The following ULK4 variants were observed in gnomAD, a reference collection of about 807,000 sequenced individuals.
ULK4 encodes inactive serine/threonine-protein kinase ULK4.
In ULK4, 133 loss-of-function variants were observed where a neutral mutation model predicts 160.6. The observed-to-expected ratio is 0.83, with a 90% CI of 0.72 to 0.96. The LOEUF (loss-of-function observed/expected upper bound fraction) is 0.96. ULK4 is among the 40% of genes least tolerant of loss of function. The pLI is 0.00. For synonymous variants in ULK4, 534 were observed against 539.8 expected (o/e 0.99, Z 0.15); for missense variants, 1,580 against 1,499.5 (o/e 1.05, Z -0.89).
chr3:41,247,790 G>A (rs1023491523), intron 36 of ULK4, among the ~76,000 whole-genome samples: 1 of 152,184 alleles, frequency 6.6e-6, no homozygotes. Flanking sequence ...CTGCGCCCCC[G>A]CACACAGCAG....
chr3:41,451,631 G>A (rs1182036828), intron 34 of ULK4, among the ~76,000 whole-genome samples: 1 of 152,028 alleles, frequency 6.6e-6, no homozygotes. Context: ...CACAGCTCCT[G>A]GCAACCTCTG....
At chr3:41,317,740 C>G (rs1287991820) in intron 35 of ULK4, among the ~76,000 whole-genome samples, 1 of 152,148 alleles carries the variant, frequency 6.6e-6, no homozygotes, top group Non-Finnish European at 1.5e-5. Flanking sequence ...AACAGAATTA[C>G]AATTTGGCAG....
chr3:41,848,208 T>A lies in ULK4; in HGVS notation c.1657-12237A>T, dbSNP rs1259257098. 3.9e-5 allele frequency among the ~76,000 whole-genome samples: 6 copies of A among 152,322 alleles called. No homozygotes were observed. In the East Asian group the frequency reaches 9.7e-4, roughly 25 times the overall value. ...AAACAAACAACCTGTAACTGGTAGA[T>A]TCCTTCTCTTAAAGATAATAAACTG... On this transcript the variant is annotated intron_variant, in intron 17 of 36. Transcript: ENST00000301831.
At chr3:41,876,955 G>T (rs779987900) in intron 17 of ULK4, among the ~76,000 whole-genome samples, 3 of 151,980 alleles carry the variant, frequency 2.0e-5, no homozygotes, top group Admixed American at 1.3e-4. Flanking sequence ...AGTTTATTGG[G>T]TTTTCACACT....
chr3:41,722,742 G>A (rs1175748174), intron 22 of ULK4, among the ~76,000 whole-genome samples: 1 of 152,136 alleles, frequency 6.6e-6, no homozygotes, highest in Non-Finnish European at 1.5e-5. Flanking sequence ...TTTGATATAG[G>A]AAGAATAGAA....
intron 34 of ULK4, among the ~76,000 whole-genome samples, chr3:41,427,591 C>T (rs1311382732): frequency 6.6e-6 from 1 of 152,184 alleles, no homozygotes; most frequent in Non-Finnish European, 1.5e-5. Flanking sequence ...TTGGCTTCAT[C>T]CCTGGGATGC....
chr3:41,659,310 C>G (rs1056161362), intron 30 of ULK4, among the ~76,000 whole-genome samples: 2 of 152,090 alleles, frequency 1.3e-5, no homozygotes. Context: ...AAATACGGAA[C>G]CCAGACTTTG....
At chr3:41,357,377 G>A (rs1158014961) in intron 35 of ULK4, among the ~76,000 whole-genome samples, 1 of 152,206 alleles carries the variant, frequency 6.6e-6, no homozygotes, top group Admixed American at 6.5e-5. Context: ...CGATCCAACT[G>A]TGAGGATGTG....
At chr3:41,349,380 G>A (rs1465623366) in intron 35 of ULK4, among the ~76,000 whole-genome samples, 2 of 152,122 alleles carry the variant, frequency 1.3e-5, no homozygotes, top group Non-Finnish European at 1.5e-5. Context: ...ACATCCTTAA[G>A]GAAACCTGAC....
At chr3:41,311,044 G>A (rs2080039254) in intron 35 of ULK4, among the ~76,000 whole-genome samples, 1 of 148,936 alleles carries the variant, frequency 6.7e-6, no homozygotes, top group Admixed American at 6.8e-5. Flanking sequence ...AAGGAAGGAA[G>A]GGAGGGAAGA....
At chr3:41,443,241 T>C (rs1027511192) in intron 34 of ULK4, among the ~76,000 whole-genome samples, 18 of 152,248 alleles carry the variant, frequency 1.2e-4, no homozygotes, top group Non-Finnish European at 2.4e-4. Flanking sequence ...CTCTTTCTTC[T>C]GTAACTCCAC....
chr3:41,888,726 G>C (rs1017091401), intron 16 of ULK4, among the ~76,000 whole-genome samples: 1 of 152,154 alleles, frequency 6.6e-6, no homozygotes, highest in African/African-American at 2.4e-5. Flanking sequence ...CATAGGTGTG[G>C]ATGTGGGAAG....
chr3:41,847,073 T>C (rs2042086543), intron 17 of ULK4, among the ~76,000 whole-genome samples: 2 of 152,208 alleles, frequency 1.3e-5, no homozygotes, highest in Admixed American at 1.3e-4. Flanking sequence ...ACTGCCATTT[T>C]CCACACTACT....
chr3:41,491,939 T>A lies in ULK4; in HGVS notation c.3227-28686A>T, dbSNP rs59145249. Among the ~76,000 whole-genome samples, 318 of 150,358 alleles carry A rather than the reference T, an allele frequency of 2.1e-3. 1 individual carries two copies. The highest frequency in any genetic ancestry group is 7.3e-3 in the African/African-American group (300 of 40,826). ...ATGTTCCCCTTCCTGTGTCCATGTG[T>A]TCTCATTGTTCAATTCCCATCTATG... On this transcript the variant is annotated intron_variant, in intron 32 of 36. Transcript: ENST00000301831.
intron 33 of ULK4, 117 bp downstream of exon 33, chr3:41,462,970 T>C (rs960650247): frequency 1.4e-5 from 17 of 1,250,992 alleles, no homozygotes; most frequent in African/African-American, 4.5e-5. Flanking sequence ...CTCTATAGAA[T>C]TATACATTCT....
chr3:41,947,204 G>A (rs972461811), intron 2 of ULK4, among the ~76,000 whole-genome samples: 2 of 152,140 alleles, frequency 1.3e-5, no homozygotes, highest in African/African-American at 2.4e-5. Flanking sequence ...CCAGCTACTC[G>A]GGAGGCTCAG....
At chr3:41,522,168 C>T (rs976888723) in intron 32 of ULK4, among the ~76,000 whole-genome samples, 6 of 149,840 alleles carry the variant, frequency 4.0e-5, no homozygotes, top group African/African-American at 1.5e-4. Context: ...ACTCTGTCAC[C>T]CAGGCAGCAG....
Position 41,386,179 on chromosome 3 carries a change from C to T in ULK4, c.3678+11900G>A, listed in dbSNP as rs75915789. On this transcript the variant is annotated intron_variant, in intron 35 of 36. Coordinates refer to ENST00000301831, the MANE Select transcript of ULK4 (RefSeq NM_017886.4). ...GAACAAATTAATGACTCCACTCTTG[C>T]GGATTTAGCTATTATCTCAATATTG... Among the ~76,000 whole-genome samples, 1,023 of 152,232 alleles carry T rather than the reference C, an allele frequency of 6.7e-3. 4 individuals carry two copies. Among genetic ancestry groups the T allele is most frequent in the East Asian group, 0.015 (78 of 5,168 alleles).
rs76308272 is a variant in ULK4 at position 41,379,331 on chromosome 3, G to A, written c.3678+18748C>T. ...GTTATATGCATAAATTGGAAATGGAGGCAGAATAATTTGAAATGAGAGCCC... is the reference window on the plus strand; with the variant it reads ...GTTATATGCATAAATTGGAAATGGAAGCAGAATAATTTGAAATGAGAGCCC... On this transcript the variant is annotated intron_variant, in intron 35 of 36. Coordinates refer to ENST00000301831, the MANE Select transcript of ULK4 (RefSeq NM_017886.4). 7.7e-3 allele frequency among the ~76,000 whole-genome samples: 1,179 copies of A among 152,254 alleles called. 11 individuals are homozygous for A. Among genetic ancestry groups the A allele is most frequent in the African/African-American group, 0.019 (773 of 41,560 alleles).
Sources: allele counts gnomAD v4.1 joint callset (sites outside exome capture counted in the v4.1 genomes callset), GRCh38; gene constraint gnomAD v4.1.1; transcripts MANE v1.5; gene names NCBI Gene and HGNC (gene_info 2026-07-23, HGNC 2026-07-21).